Variants in PPME1 observed in about 807,000 individuals in gnomAD.
PPME1 encodes protein phosphatase methylesterase 1.
Under a neutral mutation model 56.9 loss-of-function variants are expected in PPME1, and 17 were observed. The observed-to-expected ratio is 0.30, with a 90% CI of 0.20 to 0.45. PPME1 has a LOEUF of 0.45. PPME1 is among the 20% of genes least tolerant of loss of function. The pLI is 1.00. For missense variants in PPME1, 357 were observed against 483.2 expected, an observed-to-expected ratio of 0.74 and a Z score of 2.45; for synonymous variants, 122 against 156.2, an observed-to-expected ratio of 0.78 and a Z score of 1.63.
At chr11:74,226,774 TGTA>T (rs1858941728) in intron 5 of PPME1, among the ~76,000 whole-genome samples, 1 of 152,068 alleles carries the variant, frequency 6.6e-6, no homozygotes, top group African/African-American at 2.4e-5. Flanking sequence ...AGAGAAACCA[TGTA>T]GTAATTTGAA....
At chr11:74,180,102 T>C (rs1857492846) in intron 1 of PPME1, among the ~76,000 whole-genome samples, 1 of 152,248 alleles carries the variant, frequency 6.6e-6, no homozygotes, top group South Asian at 2.1e-4. Flanking sequence ...TATTGTTCTC[T>C]AGGCAAGGAA....
At chr11:74,252,395 C>G in intron 13 of PPME1, 1 of 454,090 alleles carries the variant, frequency 2.2e-6, no homozygotes, top group Non-Finnish European at 4.4e-6. Flanking sequence ...CCGCGCCTGG[C>G]CTAGAGCAGG....
chr11:74,218,738 A>G (rs1402991324), intron 3 of PPME1, among the ~76,000 whole-genome samples: 4 of 152,238 alleles, frequency 2.6e-5, no homozygotes, highest in African/African-American at 9.6e-5. Flanking sequence ...CTTGCCATAT[A>G]CAAAAATCAA....
At position 74,246,346 on chromosome 11, in the gene PPME1, G is replaced by GT. The variant is rs1250421391; in HGVS notation, c.964+143dup. On this transcript the variant is annotated intron_variant, in intron 10 of 13. Coordinates refer to ENST00000328257, the MANE Select transcript of PPME1 (RefSeq NM_016147.3). ...GAGATCAGGGTGCCAGCATGGTCAG[G>GT]TTGTGGTGAGGGCTGTCTTCCTGGC... 7 of 929,750 alleles carry GT rather than the reference G, an allele frequency of 7.5e-6. No individual in the cohort carries two copies. In the African/African-American group the frequency reaches 1.2e-4, roughly 16 times the overall value. 57.6% of individuals were successfully genotyped at this position (929,750 alleles called of 1,614,324 possible).
intron 1 of PPME1, 38 bp from the exon 2 acceptor site, chr11:74,203,690 T>C: frequency 2.0e-6 from 3 of 1,531,458 alleles, no homozygotes; most frequent in Middle Eastern, 1.7e-4. Context: ...TCTTTATGCA[T>C]AATTTTTCTG....
chr11:74,181,524 A>G (rs1305513778), intron 1 of PPME1, among the ~76,000 whole-genome samples: 2 of 152,218 alleles, frequency 1.3e-5, no homozygotes, highest in Non-Finnish European at 2.9e-5. Context: ...TATCGAAGAT[A>G]ATTTTATGCA....
intron 3 of PPME1, among the ~76,000 whole-genome samples, chr11:74,212,037 A>T (rs933577201): frequency 6.6e-6 from 1 of 152,224 alleles, no homozygotes; most frequent in Non-Finnish European, 1.5e-5. Flanking sequence ...TAAGAACCAA[A>T]AATCAGGTGA....
At chr11:74,194,151 C>G (rs550742723) in intron 1 of PPME1, among the ~76,000 whole-genome samples, 14 of 151,210 alleles carry the variant, frequency 9.3e-5, no homozygotes, top group East Asian at 7.7e-4. Context: ...CTTGCTTCTC[C>G]CTTCTCAATG....
intron 1 of PPME1, among the ~76,000 whole-genome samples, chr11:74,176,695 T>C (rs1380971897): frequency 6.6e-6 from 1 of 151,612 alleles, no homozygotes; most frequent in Non-Finnish European, 1.5e-5. Context: ...ATCATTTATA[T>C]TTTTTCCTGG....
At chr11:74,224,315 G>C (rs923728311) in intron 4 of PPME1, among the ~76,000 whole-genome samples, 3 of 142,524 alleles carry the variant, frequency 2.1e-5, no homozygotes, top group African/African-American at 8.5e-5. Flanking sequence ...CTCTGTTTTG[G>C]TACCAGTACC....
intron 3 of PPME1, among the ~76,000 whole-genome samples, chr11:74,215,663 T>C (rs1191942656): frequency 6.6e-6 from 1 of 152,126 alleles, no homozygotes; most frequent in Non-Finnish European, 1.5e-5. Flanking sequence ...TTATTAATAA[T>C]AACATTGAAT....
chr11:74,193,387 T>A (rs1377778193), intron 1 of PPME1, among the ~76,000 whole-genome samples: 1 of 152,242 alleles, frequency 6.6e-6, no homozygotes, highest in African/African-American at 2.4e-5. Flanking sequence ...GTGTATAAGG[T>A]CTTTATTAAA....
chr11:74,177,284 A>C (rs1857422813), intron 1 of PPME1, among the ~76,000 whole-genome samples: 1 of 151,912 alleles, frequency 6.6e-6, no homozygotes. Context: ...AACATGGTGA[A>C]ACCTCTTCTC....
chr11:74,189,876 A>G (rs941341423), intron 1 of PPME1, among the ~76,000 whole-genome samples: 2 of 152,236 alleles, frequency 1.3e-5, no homozygotes, highest in African/African-American at 2.4e-5. Context: ...CAGTTTTACC[A>G]TAATGTATTA....
intron 8 of PPME1, 124 bp from the exon 9 acceptor site, chr11:74,239,009 C>T: frequency 1.0e-6 from 1 of 953,414 alleles, no homozygotes; most frequent in Non-Finnish European, 1.5e-6. Context: ...TTCTATCCTC[C>T]TACCAGGATG....
rs771529493 is a variant in PPME1 at position 74,235,763 on chromosome 11, A to G, written c.645-138A>G. ...TGTAGCCAGGTGAGTAATAGTGGCA[A>G]TCTCTATAGTAAGAAACACTGGTGA... On this transcript the variant is annotated intron_variant, in intron 7 of 13. Transcript: ENST00000328257. 83 of 1,359,412 alleles carry G rather than the reference A, an allele frequency of 6.1e-5. No individual in the cohort carries two copies. The African/African-American group carries it at 7.2e-4, about 12-fold the overall frequency. 84.2% of individuals were successfully genotyped at this position (1,359,412 alleles called of 1,614,324 possible).
At chr11:74,190,928 A>G (rs1857820299) in intron 1 of PPME1, among the ~76,000 whole-genome samples, 2 of 152,228 alleles carry the variant, frequency 1.3e-5, no homozygotes, top group African/African-American at 2.4e-5. Flanking sequence ...TTCATGCCAT[A>G]GGAACCTGTA....
At chr11:74,180,138 C>G (rs1231528222) in intron 1 of PPME1, among the ~76,000 whole-genome samples, 4 of 152,162 alleles carry the variant, frequency 2.6e-5, no homozygotes, top group Non-Finnish European at 5.9e-5. Flanking sequence ...CCTTTCTCCC[C>G]TTTCTCTCCT....
In PPME1 at chr11:74,253,620, T is replaced by C. The variant is rs942391630; in HGVS notation, c.*110T>C. ...TCCATCCCGCCCAGCCATGTGACAC[T>C]GGCTCCCGGTAGACGGGCACCCCGA... On this transcript the variant is annotated 3_prime_UTR_variant, in exon 14 of 14. Coordinates refer to ENST00000328257, the MANE Select transcript of PPME1 (RefSeq NM_016147.3). 1 of 1,250,272 alleles carries C rather than the reference T, an allele frequency of 8.0e-7. No individual in the cohort carries two copies. 77.4% of individuals were successfully genotyped at this position (1,250,272 alleles called of 1,614,324 possible).
Sources: gnomAD v4.1 joint callset for allele counts (sites outside exome capture counted in the v4.1 genomes callset) on GRCh38, gnomAD v4.1.1 for gene constraint, MANE v1.5 for transcripts, NCBI Gene and HGNC (gene_info 2026-07-23, HGNC 2026-07-21) for gene names.